Variants in FAM90A20 observed in about 807,000 individuals in gnomAD.
FAM90A20 encodes the protein protein FAM90A20.
chr8:7,296,829 T>C, the FAM90A20 span, among the ~76,000 whole-genome samples: 1 of 136,354 alleles, frequency 7.3e-6, no homozygotes, highest in Admixed American at 6.8e-5. Context: ...CAAGACGCAA[T>C]CTTTTGAACA....
the FAM90A20 span, chr8:7,297,415 T>A: frequency 9.0e-6 from 14 of 1,551,258 alleles, 3 homozygotes; most frequent in Non-Finnish European, 1.2e-5. Flanking sequence ...AAGACAAACG[T>A]CCTGCGGTGA....
the FAM90A20 span, chr8:7,295,827 C>G: frequency 1.1e-6 from 1 of 880,750 alleles, no homozygotes; most frequent in Non-Finnish European, 1.8e-6. Context: ...GAAGAGAGAC[C>G]AAGGTGAGCA....
the FAM90A20 span, chr8:7,295,848 T>A: frequency 1.4e-6 from 1 of 712,808 alleles, no homozygotes; most frequent in Non-Finnish European, 2.4e-6. Context: ...GTGGGAGGGG[T>A]TTTCACCACT....
the FAM90A20 span, chr8:7,297,218 C>A: frequency 4.6e-6 from 7 of 1,527,066 alleles, 3 homozygotes; most frequent in African/African-American, 1.4e-4. Context: ...CTCCTCAAGT[C>A]TTGGACCAAA....
At chr8:7,296,411 C>T in the FAM90A20 span, 14 of 738,104 alleles carry the variant, frequency 1.9e-5, 1 homozygote, top group South Asian at 1.1e-4. Flanking sequence ...AGTGTCACCC[C>T]GGGCCCCTGG....
the FAM90A20 span, chr8:7,296,204 G>C: frequency 1.5e-6 from 1 of 657,312 alleles, no homozygotes; most frequent in East Asian, 2.9e-5. Context: ...CACAAGACAC[G>C]GAATGGGGCT....
the FAM90A20 span, chr8:7,297,279 A>T: frequency 1.5e-6 from 2 of 1,371,320 alleles, no homozygotes; most frequent in Non-Finnish European, 1.0e-6. Context: ...GCAGTCAGGC[A>T]CCAGGTCCAC....
the FAM90A20 span, chr8:7,297,440 C>A: frequency 4.5e-6 from 7 of 1,554,256 alleles, no homozygotes; most frequent in Admixed American, 1.7e-5. Context: ...ACAGCCCTGC[C>A]CATCAGCCGC....
the FAM90A20 span, among the ~76,000 whole-genome samples, chr8:7,295,990 AG>A: frequency 7.8e-6 from 1 of 128,296 alleles, no homozygotes; most frequent in Non-Finnish European, 1.5e-5. Context: ...TTCCACACCC[AG>A]GAGCTCCTTG....
chr8:7,297,112 G>C, the FAM90A20 span: 2 of 1,506,294 alleles, frequency 1.3e-6, no homozygotes, highest in East Asian at 2.3e-5. Context: ...GGCCGCGCAT[G>C]GACCCTGTCC....
At chr8:7,296,897 C>T in the FAM90A20 span, among the ~76,000 whole-genome samples, 3 of 137,120 alleles carry the variant, frequency 2.2e-5, 1 homozygote, top group African/African-American at 6.9e-5. Flanking sequence ...TGTGTCTTTT[C>T]CTGATCAGCA....
At chr8:7,295,741 G>A in the FAM90A20 span, 1 of 1,157,394 alleles carries the variant, frequency 8.6e-7, no homozygotes, top group South Asian at 1.2e-5. Flanking sequence ...AAAAGGAAGG[G>A]AAGGAAAACC....
the FAM90A20 span, chr8:7,297,550 A>G: frequency 2.0e-6 from 3 of 1,521,324 alleles, no homozygotes; most frequent in South Asian, 3.4e-5. Context: ...TCCCCAAGAA[A>G]CCGAGACTGG....
At chr8:7,297,122 C>A in the FAM90A20 span, 5 of 1,511,758 alleles carry the variant, frequency 3.3e-6, 1 homozygote, top group Non-Finnish European at 3.6e-6. Context: ...GGACCCTGTC[C>A]TCTCTGGTCG....
chr8:7,297,924 A>C, the FAM90A20 span: 2 of 711,086 alleles, frequency 2.8e-6, no homozygotes, highest in Non-Finnish European at 4.8e-6. Flanking sequence ...CATGTGTCAG[A>C]GAAGTCTGAG....
the FAM90A20 span, chr8:7,295,784 C>G: frequency 2.4e-6 from 3 of 1,249,144 alleles, no homozygotes; most frequent in Non-Finnish European, 3.4e-6. Flanking sequence ...TGAAGCCAAC[C>G]CGGGGCCCTT....
the FAM90A20 span, chr8:7,297,752 G>C: frequency 3.7e-5 from 55 of 1,481,232 alleles, 10 homozygotes; most frequent in Middle Eastern, 7.0e-4. Context: ...TACTGCCCAG[G>C]CCTGCACCAT....
At chr8:7,297,533 C>T in the FAM90A20 span, 1 of 1,523,132 alleles carries the variant, frequency 6.6e-7, no homozygotes, top group Non-Finnish European at 8.9e-7. Flanking sequence ...TCAGGCTTGC[C>T]TGAACTTCCC....
chr8:7,295,816 G>A, the FAM90A20 span: 56 of 1,012,746 alleles, frequency 5.5e-5, 8 homozygotes, highest in African/African-American at 1.1e-4. Flanking sequence ...AGGGAGAGAA[G>A]GAAGAGAGAC....
Sources: allele counts gnomAD v4.1 joint callset (sites outside exome capture counted in the v4.1 genomes callset), GRCh38; gene constraint gnomAD v4.1.1; transcripts MANE v1.5; gene names NCBI Gene and HGNC (gene_info 2026-07-23, HGNC 2026-07-21).